DTD1: variants seen among roughly 807,000 people sequenced by gnomAD.
DTD1 encodes D-aminoacyl-tRNA deacylase 1.
A neutral mutation model predicts 25.6 loss-of-function variants in DTD1; 13 were observed. The observed-to-expected ratio is 0.51, with a 90% CI of 0.33 to 0.81. The LOEUF (loss-of-function observed/expected upper bound fraction) is 0.81, where lower values mean the gene tolerates loss of function less well. DTD1 is among the 30% of genes least tolerant of loss of function. DTD1 has a pLI of 0.02. For missense variants in DTD1, 193 were observed against 266.4 expected, an observed-to-expected ratio of 0.72 and a Z score of 1.92; for synonymous variants, 110 against 103.6, an observed-to-expected ratio of 1.06 and a Z score of -0.37.
At chr20:18,725,526 C>T (rs925495261) in intron 4 of DTD1, among the ~76,000 whole-genome samples, 4 of 152,196 alleles carry the variant, frequency 2.6e-5, no homozygotes, top group African/African-American at 9.7e-5. Flanking sequence ...TTGTTTCTGT[C>T]AGGTTGAGTT....
rs564341239 is a variant in DTD1 at position 18,663,340 on chromosome 20, G to A, written c.477+35107G>A. On this transcript the variant is annotated intron_variant, in intron 4 of 5. Transcript: ENST00000377452. ...TCTAGGCTAGCCTGGGCAACATGGC[G>A]AGACTCTGTATCTATAAAAAAAAAA... Among the ~76,000 whole-genome samples, 193 of 151,758 alleles carry A rather than the reference G, an allele frequency of 1.3e-3. 1 individual carries two copies. The highest frequency in any genetic ancestry group is 4.6e-3 in the African/African-American group (189 of 41,304).
intron 4 of DTD1, among the ~76,000 whole-genome samples, chr20:18,661,945 A>C (rs1471969842): frequency 2.0e-5 from 3 of 152,128 alleles, no homozygotes; most frequent in Admixed American, 6.5e-5. Flanking sequence ...TGAGGTCAAG[A>C]GTTTGAGACC....
At chr20:18,657,933 C>G (rs1031153557) in intron 4 of DTD1, among the ~76,000 whole-genome samples, 2 of 152,068 alleles carry the variant, frequency 1.3e-5, no homozygotes, top group African/African-American at 4.8e-5. Context: ...CCACAATATT[C>G]TATTGGTTAC....
At chr20:18,662,332 G>T (rs908318986) in intron 4 of DTD1, among the ~76,000 whole-genome samples, 2 of 152,092 alleles carry the variant, frequency 1.3e-5, no homozygotes, top group Admixed American at 1.3e-4. Flanking sequence ...CTACAGCCAG[G>T]CTGGTCTTGA....
In DTD1 at chr20:18,712,071, CA is replaced by C. The variant is rs374346099; in HGVS notation, c.478-32014del. Among the ~76,000 whole-genome samples, 831 of 136,134 alleles carry C rather than the reference CA, an allele frequency of 6.1e-3. 5 individuals carry two copies. Among genetic ancestry groups the C allele is most frequent in the African/African-American group, 0.019 (692 of 36,738 alleles). The allele number at this position is 136,134 out of a possible 152,430, so 89.3% of individuals were successfully genotyped here. A position where few individuals can be genotyped will look rare whatever the true frequency, so the allele number is the denominator to read the frequency against. ...TGGGTGACAGAGGGAGACTCCGTCTCAAAAAAAAAAAAAAATCTAACTTCTT... is the reference window on the plus strand; with the variant it reads ...TGGGTGACAGAGGGAGACTCCGTCTCAAAAAAAAAAAAAATCTAACTTCTT... On this transcript the variant is annotated intron_variant, in intron 4 of 5. Coordinates refer to ENST00000377452, the MANE Select transcript of DTD1 (RefSeq NM_080820.6).
Position 18,637,161 on chromosome 20 carries a change from A to G in DTD1, c.477+8928A>G, listed in dbSNP as rs922190301. Among the ~76,000 whole-genome samples the G allele has an allele frequency of 1.3e-4, 20 of 152,270 alleles. 1 individual carries two copies. The highest frequency in any genetic ancestry group is 4.3e-4 in the African/African-American group (18 of 41,556). Reference sequence around the variant, plus strand: ...CCTTCCTCACCCCCAACTGTCTAAAAATACTTTACAACCTATGTTACTGCA... The same window carrying G: ...CCTTCCTCACCCCCAACTGTCTAAAGATACTTTACAACCTATGTTACTGCA... On this transcript the variant is annotated intron_variant, in intron 4 of 5. Coordinates refer to ENST00000377452, the MANE Select transcript of DTD1 (RefSeq NM_080820.6).
chr20:18,725,188 G>A (rs2061218778), intron 4 of DTD1, among the ~76,000 whole-genome samples: 1 of 152,216 alleles, frequency 6.6e-6, no homozygotes, highest in Non-Finnish European at 1.5e-5. Context: ...GGTGGTTTAT[G>A]CAGAAATTTC....
chr20:18,680,724 A>G (rs965908849), intron 4 of DTD1, among the ~76,000 whole-genome samples: 1 of 152,150 alleles, frequency 6.6e-6, no homozygotes, highest in African/African-American at 2.4e-5. Flanking sequence ...CAAAGCAACC[A>G]CACAGCTATT....
intron 4 of DTD1, among the ~76,000 whole-genome samples, chr20:18,659,881 C>G (rs6112055): frequency 6.6e-6 from 1 of 151,764 alleles, no homozygotes; most frequent in Non-Finnish European, 1.5e-5. Context: ...GTTAGCAAAC[C>G]TGCACGTTCA....
At chr20:18,639,708 G>A (rs1241022740) in intron 4 of DTD1, among the ~76,000 whole-genome samples, 1 of 152,140 alleles carries the variant, frequency 6.6e-6, no homozygotes, top group Non-Finnish European at 1.5e-5. Flanking sequence ...ATATTCGTTT[G>A]ACTATTTTCC....
At chr20:18,743,244 G>A (rs866481994) in intron 4 of DTD1, among the ~76,000 whole-genome samples, 1 of 152,238 alleles carries the variant, frequency 6.6e-6, no homozygotes, top group Non-Finnish European at 1.5e-5. Flanking sequence ...CTAGTGGCCA[G>A]TGTCCTGAGT....
intron 4 of DTD1, chr20:18,643,738 G>A (rs992909085): frequency 6.6e-6 from 1 of 152,160 alleles, no homozygotes. Context: ...CATTTCCTCA[G>A]TCTTTCCTTG....
intron 4 of DTD1, among the ~76,000 whole-genome samples, chr20:18,644,998 A>T (rs1342227298): frequency 6.6e-6 from 1 of 152,178 alleles, no homozygotes; most frequent in East Asian, 1.9e-4. Context: ...ATAATAAAAA[A>T]AAATTAGCAG....
intron 3 of DTD1, among the ~76,000 whole-genome samples, chr20:18,618,909 C>T (rs1016183034): frequency 6.6e-6 from 1 of 152,124 alleles, no homozygotes; most frequent in African/African-American, 2.4e-5. Flanking sequence ...GATGGGGTTT[C>T]ACCATGTTGG....
At chr20:18,628,388 A>G in intron 4 of DTD1, among the ~76,000 whole-genome samples, 155 bp downstream of exon 4, 1 of 152,096 alleles carries the variant, frequency 6.6e-6, no homozygotes, top group African/African-American at 2.4e-5. Flanking sequence ...TTTACGGTGC[A>G]CTCCTGAGTA....
At chr20:18,626,568 A>G (rs1028702138) in intron 3 of DTD1, among the ~76,000 whole-genome samples, 5 of 152,228 alleles carry the variant, frequency 3.3e-5, no homozygotes, top group Middle Eastern at 3.4e-3. Flanking sequence ...CATTTTATAG[A>G]TATGCTTTTG....
At chr20:18,722,157 C>G (rs2061206305) in intron 4 of DTD1, among the ~76,000 whole-genome samples, 1 of 152,236 alleles carries the variant, frequency 6.6e-6, no homozygotes, top group Non-Finnish European at 1.5e-5. Context: ...CTCATCCCCA[C>G]TCTCCTCTAG....
At chr20:18,691,770 T>G (rs1463130539) in intron 4 of DTD1, among the ~76,000 whole-genome samples, 2 of 151,976 alleles carry the variant, frequency 1.3e-5, no homozygotes, top group Non-Finnish European at 2.9e-5. Flanking sequence ...AAAATAAAAT[T>G]AAGAAAAGAA....
rs1425517481 is a variant in DTD1, at chr20:18,628,228, A to C, written c.472A>C (p.Lys158Gln). 1 of 1,612,758 alleles carries C rather than the reference A, an allele frequency of 6.2e-7. No homozygotes were observed. The highest frequency in any genetic ancestry group is 1.3e-5 in the African/African-American group (1 of 74,906). ...PAPGTATSDP[K>Q]QLSKLEKQQQ... The stretch of plus-strand genomic sequence containing the variant: ...TCCCGGCACTGCTACCTCTGACCCA[A>C]AGCAGGTAAGCCTGGAGTCTGGTGC... Residue 158 changes from lysine to glutamine, a missense_variant, in exon 4 of 6, where the codon AAG (lysine) becomes CAG (glutamine). Physicochemically the swap from Lys to Gln is moderately conservative, Grantham distance 53 (BLOSUM62 1). Coordinates refer to ENST00000377452, the MANE Select transcript of DTD1 (RefSeq NM_080820.6).
Sources: allele counts gnomAD v4.1 joint callset (sites outside exome capture counted in the v4.1 genomes callset), GRCh38; gene constraint gnomAD v4.1.1; transcripts MANE v1.5; gene names NCBI Gene and HGNC (gene_info 2026-07-23, HGNC 2026-07-21).